CANX: variants seen among roughly 807,000 people sequenced by gnomAD.
CANX encodes calnexin.
A neutral mutation model predicts 75.7 loss-of-function variants in CANX; 14 were observed. The observed-to-expected ratio is 0.19, with a 90% CI of 0.12 to 0.29. The LOEUF (loss-of-function observed/expected upper bound fraction) is 0.29, where lower values mean the gene tolerates loss of function less well. Among genes scored for constraint, CANX ranks in the 10% least tolerant of loss-of-function variants. The pLI, the probability that CANX is intolerant of heterozygous loss-of-function variation, is 1.00. For synonymous variants in CANX, 227 were observed against 236.9 expected (o/e 0.96, Z 0.38); for missense variants, 567 against 713.2 (o/e 0.79, Z 2.34).
At chr5:179,714,093 G>C (rs1047534348) in intron 7 of CANX, among the ~76,000 whole-genome samples, 1 of 152,096 alleles carries the variant, frequency 6.6e-6, no homozygotes, top group South Asian at 2.1e-4. Flanking sequence ...CTGCCTCCCG[G>C]GTTCAAGCGA....
At chr5:179,724,518 T>C (rs1378258685) in intron 12 of CANX, 139 bp from the exon 13 acceptor site, 2 of 656,892 alleles carry the variant, frequency 3.0e-6, no homozygotes, top group Non-Finnish European at 2.7e-6. Context: ...CTCTTCAGGG[T>C]AGGAATTACA....
intron 1 of CANX, chr5:179,679,244 G>A (rs766157708): frequency 1.1e-4 from 171 of 1,528,990 alleles, no homozygotes; most frequent in Non-Finnish European, 1.4e-4. Context: ...CCAGAATGAT[G>A]AAGGCGAGCC....
rs765315948 is a variant in CANX, at chr5:179,723,753, G to T, written c.1492G>T (p.Val498Phe). ...ILTVALPVFL[V>F]ILFCCSGKKQ... ...AACTGTAGCCCTTCCTGTGTTCCTGGTTATCCTCTTCTGCTGTTCTGGAAA... is the reference window on the plus strand; with the variant it reads ...AACTGTAGCCCTTCCTGTGTTCCTGTTTATCCTCTTCTGCTGTTCTGGAAA... The change falls in exon 12 of 15, where the codon GTT becomes TTT. Residue 498 changes from valine to phenylalanine, a missense_variant. By Grantham distance (50) the Val-to-Phe change is conservative. Transcript: ENST00000247461. 1.2e-6 allele frequency: 2 copies of T among 1,612,268 alleles called. No individual in the cohort carries two copies. Among genetic ancestry groups the T allele is most frequent in the East Asian group, 4.5e-5 (2 of 44,808 alleles).
intron 7 of CANX, among the ~76,000 whole-genome samples, chr5:179,710,540 T>C (rs1197993078): frequency 6.7e-6 from 1 of 149,338 alleles, no homozygotes; most frequent in Non-Finnish European, 1.5e-5. Context: ...ACCCCGTCTC[T>C]ACTAAAAATA....
At chr5:179,715,035 GAT>G (rs1489610389) in intron 7 of CANX, among the ~76,000 whole-genome samples, 2 of 152,204 alleles carry the variant, frequency 1.3e-5, no homozygotes, top group Non-Finnish European at 2.9e-5. Flanking sequence ...AAAGTGCTGG[GAT>G]TACAGGCATG....
chr5:179,713,462 G>T (rs1283377139), intron 7 of CANX, among the ~76,000 whole-genome samples: 1 of 152,174 alleles, frequency 6.6e-6, no homozygotes, highest in African/African-American at 2.4e-5. Context: ...CACTTAAAGC[G>T]AGGGAGAGGG....
chr5:179,689,389 T>TTTTTTTG (rs1776257629), intron 1 of CANX, among the ~76,000 whole-genome samples: 3 of 143,260 alleles, frequency 2.1e-5, no homozygotes, highest in Non-Finnish European at 4.6e-5. Context: ...GTTTTTTTTT[T>TTTTTTTG]TTTTTTTTTT....
chr5:179,711,838 C>G (rs1777579367), intron 7 of CANX, among the ~76,000 whole-genome samples: 1 of 149,084 alleles, frequency 6.7e-6, no homozygotes, highest in Admixed American at 6.8e-5. Flanking sequence ...TGGCTCATGC[C>G]TGTAATCCCA....
intron 7 of CANX, among the ~76,000 whole-genome samples, chr5:179,712,246 A>G (rs1469231565): frequency 6.6e-6 from 1 of 151,788 alleles, no homozygotes; most frequent in Non-Finnish European, 1.5e-5. Context: ...CAATAAAAAT[A>G]GTTTTTCAGA....
intron 1 of CANX, among the ~76,000 whole-genome samples, chr5:179,686,643 T>C (rs944522292): frequency 6.6e-6 from 1 of 151,894 alleles, no homozygotes; most frequent in Admixed American, 6.6e-5. Context: ...TTGTATTTTT[T>C]AGTGGAGATG....
Position 179,728,600 on chromosome 5 carries a change from A to G in CANX, c.1735A>G (p.Ile579Val). ...TCTTTTCAATCAATAGGAGGATGAA[A>G]TTTTGAACAGATCACCAAGAAACAG... ...DRKPKAEEDE[I>V]LNRSPRNRKP... The change falls in exon 15 of 15, where the codon ATT (isoleucine) becomes GTT (valine). Residue 579 changes from isoleucine to valine, a missense_variant. Physicochemically the swap from Ile to Val is conservative, Grantham distance 29. Around this residue, in one of 3 missense-constraint regions of CANX, gnomAD observed 167 missense variants for 179.3 expected, o/e 0.93. Transcript: ENST00000247461. The G allele has an allele frequency of 1.3e-6, 2 of 1,595,698 alleles. No individual in the cohort carries two copies. The highest frequency in any genetic ancestry group is 1.1e-5 in the South Asian group (1 of 90,664).
upstream of CANX, chr5:179,694,776 G>A: frequency 2.1e-6 from 1 of 476,666 alleles, no homozygotes; most frequent in East Asian, 3.6e-5. Context: ...TAAACAAAGT[G>A]TTTATCTGTC....
At chr5:179,679,072 C>T (rs1272061472) in intron 1 of CANX, 2 of 1,535,462 alleles carry the variant, frequency 1.3e-6, no homozygotes, top group African/African-American at 1.4e-5. Context: ...TGTGATCGGC[C>T]CAAAACTGCT....
chr5:179,719,531 C>CAAGTATTTTCTAAG (rs1778172194), intron 8 of CANX, 137 bp from the exon 9 acceptor site: 1 of 509,234 alleles, frequency 2.0e-6, no homozygotes, highest in Admixed American at 3.6e-5. Flanking sequence ...ATATGATTTA[C>CAAGTATTTTCTAAG]AAGTATTTTC....
upstream of CANX, among the ~76,000 whole-genome samples, chr5:179,696,280 T>C: frequency 7.3e-6 from 1 of 137,770 alleles, no homozygotes; most frequent in South Asian, 2.5e-4. Flanking sequence ...TTTTTTTTTT[T>C]TTTTTTTTTT....
chr5:179,710,011 G>A lies in CANX; in HGVS notation c.667G>A (p.Asp223Asn), dbSNP rs777997443. 1 of 1,612,222 alleles carries A rather than the reference G, an allele frequency of 6.2e-7. No individual in the cohort carries two copies. Among genetic ancestry groups the A allele is most frequent in the Non-Finnish European group, 8.5e-7 (1 of 1,179,006 alleles). ...IYEEKHAKRP[D>N]ADLKTYFTDK... The stretch of plus-strand genomic sequence containing the variant: ...TGAAGAAAAACATGCTAAGAGGCCA[G>A]ATGCAGATCTGAAGACCTATTTTAC... The change falls in exon 7 of 15, where the codon GAT becomes AAT. Residue 223 changes from aspartate (D) to asparagine (N), a missense_variant. Physicochemically the swap from Asp to Asn is conservative, Grantham distance 23. This residue lies in a region of CANX where 351 missense variants were observed against 433.8 expected (regional missense o/e 0.81). Coordinates refer to ENST00000247461, the MANE Select transcript of CANX (RefSeq NM_001746.4).
upstream of CANX, among the ~76,000 whole-genome samples, chr5:179,693,551 G>A (rs1449357828): frequency 6.6e-6 from 1 of 152,150 alleles, no homozygotes; most frequent in Admixed American, 6.6e-5. Context: ...GCACATGCCT[G>A]TAGTCCCAGC....
chr5:179,720,768 C>CTTTATTTA (rs61478624), intron 10 of CANX, among the ~76,000 whole-genome samples: 50 of 151,576 alleles, frequency 3.3e-4, no homozygotes, highest in African/African-American at 8.5e-4. Flanking sequence ...CTTTCTTTAA[C>CTTTATTTA]TTTATTTATT....
At chr5:179,698,681 C>A, upstream of CANX, 1 of 1,044,252 alleles carries the variant, frequency 9.6e-7, no homozygotes, top group South Asian at 1.3e-5. Flanking sequence ...GTTAAACCAG[C>A]CCCGCCCCGA....
Sources: gnomAD v4.1 joint callset for allele counts (sites outside exome capture counted in the v4.1 genomes callset) on GRCh38, gnomAD v4.1.1 for gene constraint, gnomAD v4.1.1 regional missense constraint, MANE v1.5 for transcripts, NCBI Gene and HGNC (gene_info 2026-07-23, HGNC 2026-07-21) for gene names.